The following ADAMTS7 variants were observed in gnomAD, a reference collection of about 807,000 sequenced individuals.
ADAMTS7 encodes the protein A disintegrin and metalloproteinase with thrombospondin motifs 7.
A neutral mutation model predicts 172.6 loss-of-function variants in ADAMTS7; 89 were observed. That is an observed-to-expected ratio of 0.52 (90% confidence interval 0.43 to 0.61). The LOEUF (loss-of-function observed/expected upper bound fraction) is 0.61, where lower values mean the gene tolerates loss of function less well. Ranked by LOEUF, ADAMTS7 falls within the 20% of genes least tolerant of loss-of-function variation. ADAMTS7 has a pLI of 0.00. For synonymous variants in ADAMTS7, 885 were observed against 978.4 expected, an observed-to-expected ratio of 0.90 and a Z score of 1.78; for missense variants, 1,973 against 2,355.6, an observed-to-expected ratio of 0.84 and a Z score of 3.36.
Position 78,798,124 on chromosome 15 carries a change from A to G in ADAMTS7, c.457-11T>C. On this transcript the variant is annotated splice_polypyrimidine_tract_variant and intron_variant, in intron 2 of 23. Transcript: ENST00000388820. ...CTGGAACACACCTTTCTGGGGAAGAAGCACCAGGGTCACACAGGGAGGGCT... is the reference window on the plus strand; with the variant it reads ...CTGGAACACACCTTTCTGGGGAAGAGGCACCAGGGTCACACAGGGAGGGCT... 6.5e-7 allele frequency: 1 copy of G among 1,545,238 alleles called. No homozygotes were observed. The highest frequency in any genetic ancestry group is 8.7e-7 in the Non-Finnish European group (1 of 1,154,056).
At position 78,766,428 on chromosome 15, in the gene ADAMTS7, G is replaced by A. The variant is rs573925781; in HGVS notation, c.3483C>T (p.Asp1161=). ...NPLINFLPEE[D]TPIGAPDLGL... Reference sequence around the variant, plus strand: ...CAAGATCTGGGGCCCCTATGGGGGTGTCTTCCTCAGGCAGGAAATTGATCA... The same window carrying A: ...CAAGATCTGGGGCCCCTATGGGGGTATCTTCCTCAGGCAGGAAATTGATCA... The change falls in exon 19 of 24, where the codon GAC becomes GAT. Residue 1161 remains aspartate (D), a synonymous_variant. Transcript: ENST00000388820. 328 of 1,582,278 alleles carry A rather than the reference G, an allele frequency of 2.1e-4. 1 individual carries two copies. The highest frequency in any genetic ancestry group is 1.2e-3 in the Middle Eastern group (5 of 4,280).
chr15:78,767,004 G>T lies in ADAMTS7; in HGVS notation c.2907C>A (p.Cys969Ter), dbSNP rs1271278682. 1.3e-6 allele frequency: 2 copies of T among 1,592,798 alleles called. No individual in the cohort carries two copies. The highest frequency in any genetic ancestry group is 1.7e-6 in the Non-Finnish European group (2 of 1,171,358). The change falls in exon 19 of 24, where the codon TGC becomes TGA. Residue 969 changes from cysteine (C) to a stop codon, truncating the protein, a stop_gained. Coordinates refer to ENST00000388820, the MANE Select transcript of ADAMTS7 (RefSeq NM_014272.5). LOFTEE classifies it high-confidence loss of function. ...GEGTQRRNVL[C>*]TNDTGVPCDE... is the part of the protein sequence containing the mutation. Reference sequence around the variant, plus strand: ...CACAGGGGACACCGGTGTCATTGGTGCAGAGGACATTTCGGCGCTGAGTGC... The same window carrying T: ...CACAGGGGACACCGGTGTCATTGGTTCAGAGGACATTTCGGCGCTGAGTGC...
chr15:78,789,169 G>A (rs528441138), intron 7 of ADAMTS7, among the ~76,000 whole-genome samples: 3 of 152,296 alleles, frequency 2.0e-5, no homozygotes, highest in Admixed American at 6.5e-5. Context: ...TGCCATATTC[G>A]CCAGCTCAAC....
chr15:78,774,080 C>G, intron 13 of ADAMTS7, 87 bp downstream of exon 13: 1 of 1,547,912 alleles, frequency 6.5e-7, no homozygotes, highest in Non-Finnish European at 8.7e-7. Context: ...CGAGGAGGAT[C>G]AGGAGGGACC....
chr15:78,765,182 T>A (rs1004067354), intron 19 of ADAMTS7: 1 of 223,160 alleles, frequency 4.5e-6, no homozygotes, highest in African/African-American at 2.3e-5. Flanking sequence ...GCAGTGACCA[T>A]CTGGGGACCC....
chr15:78,773,864 T>G lies in ADAMTS7; in HGVS notation c.2010+303A>C, dbSNP rs563465657. 1.5e-4 allele frequency among the ~76,000 whole-genome samples: 23 copies of G among 152,276 alleles called. No individual in the cohort carries two copies. In the South Asian group the frequency reaches 4.6e-3, roughly 30 times the overall value. ...ACTGCCTGAGCTCCGGTTTCCTGGC[T>G]GGGGCGGTGCTGGTGCAGGCATCCA... On this transcript the variant is annotated intron_variant, in intron 13 of 23. Coordinates refer to ENST00000388820, the MANE Select transcript of ADAMTS7 (RefSeq NM_014272.5).
In ADAMTS7 at chr15:78,759,388, G is replaced by C. The variant is rs955775269; in HGVS notation, c.*33C>G. ...CGCCACAGCCCGTGGTGGGCACTGA[G>C]GTCTGTCGGTCGGTCTGTGCATCCT... On this transcript the variant is annotated 3_prime_UTR_variant, in exon 24 of 24. Coordinates refer to ENST00000388820, the MANE Select transcript of ADAMTS7 (RefSeq NM_014272.5). 1.3e-6 allele frequency: 2 copies of C among 1,559,974 alleles called. No homozygotes were observed. Among genetic ancestry groups the C allele is most frequent in the Non-Finnish European group, 1.7e-6 (2 of 1,156,932 alleles).
intron 20 of ADAMTS7, 35 bp from the exon 21 acceptor site, chr15:78,764,134 A>T: frequency 2.0e-6 from 3 of 1,486,016 alleles, no homozygotes; most frequent in Non-Finnish European, 2.7e-6. Flanking sequence ...ACACATCCCC[A>T]TGTGCAGGCC....
Position 78,767,531 on chromosome 15 carries a change from G to A in ADAMTS7, c.2707C>T (p.Arg903Trp), listed in dbSNP as rs760435445. 16 of 1,589,716 alleles carry A rather than the reference G, an allele frequency of 1.0e-5. No individual in the cohort carries two copies. The highest frequency in any genetic ancestry group is 2.3e-5 in the South Asian group (2 of 88,586). Reference sequence around the variant, plus strand: ...ACGCTGCGGATGCAGAGCACGGCCCGGCGGGAGAGGCCCCCAGGCCCGCAG... The same window carrying A: ...ACGCTGCGGATGCAGAGCACGGCCCAGCGGGAGAGGCCCCCAGGCCCGCAG... ...SSCGPGGLSR[R>W]AVLCIRSVGL... Residue 903 changes from arginine (R) to tryptophan (W), a missense_variant, in exon 18 of 24, where the codon CGG becomes TGG. Arg to Trp is a moderately radical substitution (Grantham distance 101). This residue lies in a region of ADAMTS7 where 771 missense variants were observed against 952.6 expected (regional missense o/e 0.81). Transcript: ENST00000388820.
chr15:78,808,719 CTCG>C (rs1224757719), intron 1 of ADAMTS7, among the ~76,000 whole-genome samples: 7 of 152,186 alleles, frequency 4.6e-5, no homozygotes, highest in African/African-American at 1.4e-4. Context: ...AGGTTCCAGT[CTCG>C]ACCGGTTATG....
At position 78,768,296 on chromosome 15, in the gene ADAMTS7, A is replaced by T. The variant is rs754000409; in HGVS notation, c.2519-37T>A. 1.9e-6 allele frequency: 3 copies of T among 1,608,984 alleles called. No individual in the cohort carries two copies. The South Asian group carries it at 3.3e-5, about 18-fold the overall frequency. On this transcript the variant is annotated intron_variant, in intron 16 of 23. Transcript: ENST00000388820. ...GGGGCTCAGCCTGGGACTGGCACCC[A>T]GGTGCCCACCACCCAAGACCCAAAG...
intron 13 of ADAMTS7, 81 bp downstream of exon 13, chr15:78,774,086 G>A: frequency 6.4e-7 from 1 of 1,554,918 alleles, no homozygotes; most frequent in South Asian, 1.2e-5. Flanking sequence ...GGATCAGGAG[G>A]GACCCAGGAG....
At position 78,791,790 on chromosome 15, in the gene ADAMTS7, G is replaced by A. The variant is rs370171326; in HGVS notation, c.820-567C>T. 1.7e-3 allele frequency among the ~76,000 whole-genome samples: 254 copies of A among 152,282 alleles called. 1 individual carries two copies. Among genetic ancestry groups the A allele is most frequent in the African/African-American group, 3.7e-3 (155 of 41,576 alleles). On this transcript the variant is annotated intron_variant, in intron 4 of 23. Transcript: ENST00000388820. ...CACTGCTCTGCTATTCCATTTCCCC[G>A]GGGCTGACAGCCATGGGGCCAAGGA...
At chr15:78,761,430 C>T (rs911558925) in intron 23 of ADAMTS7, among the ~76,000 whole-genome samples, 15 of 152,296 alleles carry the variant, frequency 9.8e-5, no homozygotes, top group African/African-American at 3.6e-4. Flanking sequence ...AGCCCCAGGC[C>T]CTCTCCCTGA....
intron 1 of ADAMTS7, among the ~76,000 whole-genome samples, chr15:78,810,237 G>C (rs866916250): frequency 2.2e-4 from 34 of 152,160 alleles, no homozygotes; most frequent in Non-Finnish European, 3.7e-4. Context: ...CCAACCTCAT[G>C]CCCCTCCTCT....
intron 3 of ADAMTS7, among the ~76,000 whole-genome samples, chr15:78,797,299 T>A (rs2055658316): frequency 1.3e-5 from 2 of 152,284 alleles, no homozygotes; most frequent in South Asian, 4.1e-4. Flanking sequence ...AGGAAGCACA[T>A]CTATGAAGCT....
At chr15:78,759,950 G>A (rs933898682) in intron 23 of ADAMTS7, among the ~76,000 whole-genome samples, 3 of 152,132 alleles carry the variant, frequency 2.0e-5, no homozygotes, top group Non-Finnish European at 2.9e-5. Context: ...ACAGAACTGC[G>A]GTCCCGGGGC....
chr15:78,770,394 GA>G (rs1475544648), intron 16 of ADAMTS7, among the ~76,000 whole-genome samples: 1 of 146,736 alleles, frequency 6.8e-6, no homozygotes, highest in Non-Finnish European at 1.5e-5. Flanking sequence ...AGACTGAGGG[GA>G]AAAGGGGAGA....
intron 5 of ADAMTS7, 94 bp from the exon 6 acceptor site, chr15:78,790,888 C>G: frequency 6.4e-7 from 1 of 1,567,414 alleles, no homozygotes; most frequent in South Asian, 1.2e-5. Flanking sequence ...GACAGAGGCC[C>G]AGCAGGGAAG....
Sources: gnomAD v4.1 joint callset for allele counts (sites outside exome capture counted in the v4.1 genomes callset) on GRCh38, gnomAD v4.1.1 for gene constraint, gnomAD v4.1.1 regional missense constraint, MANE v1.5 for transcripts, NCBI Gene and HGNC (gene_info 2026-07-23, HGNC 2026-07-21) for gene names.